SPOCK1: variants seen among roughly 807,000 people sequenced by gnomAD.
SPOCK1 encodes the protein SPARC (osteonectin), cwcv and kazal like domains proteoglycan 1.
SPOCK1 carries 23 observed loss-of-function variants against 55.3 expected under a neutral mutation model. The observed-to-expected ratio is 0.42, with a 90% confidence interval of 0.30 to 0.59. The LOEUF (loss-of-function observed/expected upper bound fraction) is 0.59. Ranked by LOEUF, SPOCK1 falls within the 20% of genes least tolerant of loss-of-function variation. The pLI, the probability that SPOCK1 is intolerant of heterozygous loss-of-function variation, is 0.22. For synonymous variants in SPOCK1, 226 were observed against 221.0 expected (o/e 1.02, Z -0.20); for missense variants, 499 against 552.5 (o/e 0.90, Z 0.97).
At chr5:136,993,964 A>T (rs1168278832) in intron 6 of SPOCK1, among the ~76,000 whole-genome samples, 1 of 152,192 alleles carries the variant, frequency 6.6e-6, no homozygotes, top group Non-Finnish European at 1.5e-5. Context: ...CCTCATTTTT[A>T]TCATCCACAT....
At chr5:137,360,615 T>C (rs967325330) in intron 2 of SPOCK1, among the ~76,000 whole-genome samples, 9 of 152,258 alleles carry the variant, frequency 5.9e-5, no homozygotes, top group African/African-American at 2.2e-4. Flanking sequence ...TAAAGGGCTT[T>C]ATTTTAGGAA....
At chr5:137,320,059 A>G (rs1279882753) in intron 2 of SPOCK1, among the ~76,000 whole-genome samples, 3 of 152,196 alleles carry the variant, frequency 2.0e-5, no homozygotes, top group Admixed American at 6.5e-5. Context: ...AATCAAGAAC[A>G]GCTACATTGA....
chr5:137,110,991 A>G (rs1753459247), intron 5 of SPOCK1, among the ~76,000 whole-genome samples: 2 of 152,178 alleles, frequency 1.3e-5, no homozygotes, highest in Admixed American at 1.3e-4. Flanking sequence ...CCTTTGTTAG[A>G]AAAATGTGAA....
chr5:137,030,338 G>A (rs947044511), intron 6 of SPOCK1, among the ~76,000 whole-genome samples: 6 of 152,188 alleles, frequency 3.9e-5, no homozygotes, highest in East Asian at 3.8e-4. Context: ...TCTGATCCAG[G>A]AGGACATAAC....
chr5:137,342,149 G>A (rs1294429349), intron 2 of SPOCK1, among the ~76,000 whole-genome samples: 1 of 152,180 alleles, frequency 6.6e-6, no homozygotes, highest in East Asian at 1.9e-4. Context: ...ACTTCAGAAA[G>A]ACACCTCCGC....
chr5:137,120,420 C>T (rs1185571408), intron 4 of SPOCK1, among the ~76,000 whole-genome samples: 6 of 152,140 alleles, frequency 3.9e-5, no homozygotes, highest in Non-Finnish European at 7.4e-5. Flanking sequence ...CTGGTGTACC[C>T]GAATGTTGAA....
chr5:137,275,045 G>A (rs1383435426), intron 2 of SPOCK1, among the ~76,000 whole-genome samples: 1 of 152,214 alleles, frequency 6.6e-6, no homozygotes, highest in Admixed American at 6.5e-5. Context: ...ACCTGAACCT[G>A]CTCTGAACAG....
chr5:137,419,303 T>C (rs1453369746), intron 2 of SPOCK1, among the ~76,000 whole-genome samples: 2 of 152,218 alleles, frequency 1.3e-5, no homozygotes, highest in Non-Finnish European at 1.5e-5. Flanking sequence ...TGGTTCCATA[T>C]GAACTTTAAA....
At chr5:137,440,465 T>C (rs1752976112) in intron 2 of SPOCK1, among the ~76,000 whole-genome samples, 1 of 152,222 alleles carries the variant, frequency 6.6e-6, no homozygotes, top group Non-Finnish European at 1.5e-5. Context: ...GCTACAGGAA[T>C]GATTACACAA....
intron 5 of SPOCK1, among the ~76,000 whole-genome samples, chr5:137,086,093 C>T (rs1466222301): frequency 6.6e-6 from 1 of 152,210 alleles, no homozygotes; most frequent in Non-Finnish European, 1.5e-5. Flanking sequence ...TGACCCATCT[C>T]CCTTTTCTCA....
chr5:137,437,359 G>A (rs942661367), intron 2 of SPOCK1, among the ~76,000 whole-genome samples: 13 of 152,166 alleles, frequency 8.5e-5, no homozygotes, highest in African/African-American at 2.9e-4. Flanking sequence ...AGCCCTGATG[G>A]ATATTATAAA....
chr5:137,300,420 G>A (rs2164132), intron 2 of SPOCK1, among the ~76,000 whole-genome samples: 123,242 of 152,126 alleles, frequency 0.81, 50,133 homozygotes, highest in Admixed American at 0.86. Flanking sequence ...TTCTTCACAT[G>A]CCTAGCGATT....
At chr5:137,446,863 TTTGACTAC>T (rs1383306814) in intron 2 of SPOCK1, among the ~76,000 whole-genome samples, 7 of 152,224 alleles carry the variant, frequency 4.6e-5, no homozygotes, top group African/African-American at 1.7e-4. Context: ...TTTCTATGCG[TTTGACTAC>T]TTTAGATACT....
chr5:137,170,107 T>C (rs896076604), intron 3 of SPOCK1, among the ~76,000 whole-genome samples: 4 of 152,230 alleles, frequency 2.6e-5, no homozygotes, highest in African/African-American at 4.8e-5. Context: ...CCTGATATAA[T>C]AAAATGATGT....
chr5:137,247,513 G>A (rs1756418782), intron 3 of SPOCK1, among the ~76,000 whole-genome samples: 1 of 152,156 alleles, frequency 6.6e-6, no homozygotes, highest in Non-Finnish European at 1.5e-5. Flanking sequence ...CCATAGTGCA[G>A]AAAACATAAC....
At chr5:137,150,906 C>T (rs1754307175) in intron 3 of SPOCK1, among the ~76,000 whole-genome samples, 1 of 152,144 alleles carries the variant, frequency 6.6e-6, no homozygotes, top group African/African-American at 2.4e-5. Flanking sequence ...TTCAGTGGAG[C>T]ACTCTGGTGA....
At chr5:137,429,049 G>A (rs902716480) in intron 2 of SPOCK1, among the ~76,000 whole-genome samples, 10 of 152,166 alleles carry the variant, frequency 6.6e-5, no homozygotes, top group African/African-American at 2.4e-4. Flanking sequence ...TTTATTCTTT[G>A]GATAAATACC....
At chr5:137,437,445 C>T (rs1369192148) in intron 2 of SPOCK1, among the ~76,000 whole-genome samples, 1 of 152,132 alleles carries the variant, frequency 6.6e-6, no homozygotes, top group African/African-American at 2.4e-5. Context: ...TACAATTCAC[C>T]CAATTAAAGT....
chr5:137,275,884 C>T (rs1757056907), intron 2 of SPOCK1, among the ~76,000 whole-genome samples: 1 of 152,218 alleles, frequency 6.6e-6, no homozygotes, highest in South Asian at 2.1e-4. Flanking sequence ...TCCTGGGTCT[C>T]TTTCACAACT....
Sources: gnomAD v4.1 joint callset for allele counts (sites outside exome capture counted in the v4.1 genomes callset) on GRCh38, gnomAD v4.1.1 for gene constraint, MANE v1.5 for transcripts, NCBI Gene and HGNC (gene_info 2026-07-23, HGNC 2026-07-21) for gene names.